EPHA6: variants seen among roughly 807,000 people sequenced by gnomAD.
EPHA6 encodes ephrin type-A receptor 6.
Under a neutral mutation model 112.0 loss-of-function variants are expected in EPHA6, and 50 were observed. The observed-to-expected ratio is 0.45, with a 90% CI of 0.36 to 0.56. The LOEUF is 0.56. Ranked by LOEUF, EPHA6 falls within the 20% of genes least tolerant of loss-of-function variation. The pLI, the probability that EPHA6 is intolerant of heterozygous loss-of-function variation, is 0.00. For synonymous variants in EPHA6, 529 were observed against 490.7 expected (o/e 1.08, Z -1.03); for missense variants, 1,280 against 1,417.4 (o/e 0.90, Z 1.56).
At chr3:97,262,656 C>A (rs934527715) in intron 5 of EPHA6, among the ~76,000 whole-genome samples, 3 of 152,128 alleles carry the variant, frequency 2.0e-5, no homozygotes, top group African/African-American at 7.2e-5. Context: ...ATAAACATTC[C>A]ATGGCCATTT....
intron 5 of EPHA6, among the ~76,000 whole-genome samples, chr3:97,342,141 T>C (rs2083336047): frequency 6.6e-6 from 1 of 152,190 alleles, no homozygotes; most frequent in Non-Finnish European, 1.5e-5. Flanking sequence ...TTTTTCTCCC[T>C]TTTACTTTCG....
chr3:97,475,192 T>G (rs1473030342), intron 7 of EPHA6, among the ~76,000 whole-genome samples, 160 bp from the exon 8 acceptor site: 1 of 152,130 alleles, frequency 6.6e-6, no homozygotes, highest in East Asian at 1.9e-4. Context: ...AAAACTCATT[T>G]ATTTTGGGTT....
intron 3 of EPHA6, among the ~76,000 whole-genome samples, chr3:97,090,131 A>G (rs912298145): frequency 6.6e-6 from 1 of 152,052 alleles, no homozygotes; most frequent in Non-Finnish European, 1.5e-5. Context: ...TATTCCCTTC[A>G]TGCTAGAAAA....
intron 3 of EPHA6, among the ~76,000 whole-genome samples, chr3:97,154,805 G>A (rs1181484927): frequency 1.3e-5 from 2 of 152,056 alleles, no homozygotes; most frequent in African/African-American, 4.8e-5. Context: ...CCTCTAGACT[G>A]TCTGTTCAAG....
At chr3:97,558,139 A>AGTG (rs2093139403) in intron 11 of EPHA6, among the ~76,000 whole-genome samples, 1 of 152,024 alleles carries the variant, frequency 6.6e-6, no homozygotes, top group African/African-American at 2.4e-5. Flanking sequence ...GAACCTTTCT[A>AGTG]CTGAAACATA....
rs1464615663 is a variant in EPHA6 at position 97,750,250 on chromosome 3, C to A, written c.*1549C>A. ...CTCAGTGATAATGGTGCCCTACCTACCCTAATTCTCAAATTCCTATCTAAA... is the reference window on the plus strand; with the variant it reads ...CTCAGTGATAATGGTGCCCTACCTAACCTAATTCTCAAATTCCTATCTAAA... On this transcript the variant is annotated 3_prime_UTR_variant, in exon 18 of 18. Transcript: ENST00000389672. Among the ~76,000 whole-genome samples, 2 of 151,076 alleles carry A rather than the reference C, an allele frequency of 1.3e-5. No homozygotes were observed. Among genetic ancestry groups the A allele is most frequent in the Admixed American group, 1.3e-4 (2 of 15,176 alleles).
chr3:97,344,749 G>C (rs1253271741), intron 5 of EPHA6, among the ~76,000 whole-genome samples: 4 of 152,140 alleles, frequency 2.6e-5, no homozygotes, highest in African/African-American at 7.2e-5. Context: ...TCTAGTAAGT[G>C]CGTAGTGGTA....
At chr3:96,964,908 G>A (rs1253193108) in intron 2 of EPHA6, among the ~76,000 whole-genome samples, 1 of 152,028 alleles carries the variant, frequency 6.6e-6, no homozygotes, top group Non-Finnish European at 1.5e-5. Context: ...TAAATTTAAA[G>A]CAGTTTAATT....
In EPHA6 at chr3:97,342,546, G is replaced by A. The variant is rs1386676022; in HGVS notation, c.1607-62604G>A. 2.0e-5 allele frequency among the ~76,000 whole-genome samples: 3 copies of A among 152,278 alleles called. No homozygotes were observed. The East Asian group carries it at 5.8e-4, about 29-fold the overall frequency. ...CATGATACCTTTGAGATTTGCTTCG[G>A]GCTGAATGTTTGTGTTCCCACAGAA... On this transcript the variant is annotated intron_variant, in intron 5 of 17. Transcript: ENST00000389672.
At chr3:96,913,209 CACACCA>C (rs1185550128) in intron 2 of EPHA6, among the ~76,000 whole-genome samples, 4 of 119,328 alleles carry the variant, frequency 3.4e-5, no homozygotes, top group African/African-American at 1.3e-4. Context: ...CACACACACA[CACACCA>C]CACACACGGG....
chr3:97,378,221 T>A (rs1230986527), intron 5 of EPHA6, among the ~76,000 whole-genome samples: 2 of 152,182 alleles, frequency 1.3e-5, no homozygotes, highest in African/African-American at 4.8e-5. Flanking sequence ...GTCTGTGGCT[T>A]CAGAGGATGC....
chr3:97,557,956 G>A (rs1023927464), intron 11 of EPHA6, among the ~76,000 whole-genome samples: 2 of 151,858 alleles, frequency 1.3e-5, no homozygotes, highest in African/African-American at 2.4e-5. Flanking sequence ...GGAGCCACCT[G>A]CTCTGGTGGT....
intron 3 of EPHA6, among the ~76,000 whole-genome samples, chr3:96,990,442 T>G (rs975210774): frequency 3.3e-5 from 5 of 152,152 alleles, no homozygotes; most frequent in African/African-American, 9.7e-5. Flanking sequence ...CACCTTGTAG[T>G]GGATGGCAGA....
chr3:97,392,056 C>T (rs767408240), intron 5 of EPHA6, among the ~76,000 whole-genome samples: 4 of 151,746 alleles, frequency 2.6e-5, no homozygotes, highest in Admixed American at 6.6e-5. Context: ...TAGCTGCCAC[C>T]GCAATTTTGT....
chr3:97,469,877 T>C (rs1381568461), intron 7 of EPHA6, among the ~76,000 whole-genome samples: 1 of 151,738 alleles, frequency 6.6e-6, no homozygotes, highest in Non-Finnish European at 1.5e-5. Flanking sequence ...AGTCTACTCC[T>C]GTGGGGCTGA....
At chr3:97,693,669 A>C (rs1417893766) in intron 14 of EPHA6, among the ~76,000 whole-genome samples, 4 of 152,024 alleles carry the variant, frequency 2.6e-5, no homozygotes, top group Non-Finnish European at 5.9e-5. Flanking sequence ...TTAGCCGGGC[A>C]TGGTGGCGGG....
At chr3:97,398,168 C>T (rs2086795203) in intron 5 of EPHA6, among the ~76,000 whole-genome samples, 1 of 151,422 alleles carries the variant, frequency 6.6e-6, no homozygotes, top group Non-Finnish European at 1.5e-5. Flanking sequence ...GATTATAATG[C>T]TGACCTTGAG....
chr3:97,176,563 T>A (rs550177772), intron 3 of EPHA6, among the ~76,000 whole-genome samples: 2 of 151,892 alleles, frequency 1.3e-5, no homozygotes, highest in South Asian at 4.1e-4. Flanking sequence ...ATAGCTTTGA[T>A]TTTTGTTACT....
chr3:97,171,972 T>A (rs1412028134), intron 3 of EPHA6, among the ~76,000 whole-genome samples: 1 of 152,128 alleles, frequency 6.6e-6, no homozygotes, highest in Non-Finnish European at 1.5e-5. Context: ...TGCCTTCAAC[T>A]TTGCTCAATT....
Sources: allele counts gnomAD v4.1 joint callset (sites outside exome capture counted in the v4.1 genomes callset), GRCh38; gene constraint gnomAD v4.1.1; transcripts MANE v1.5; gene names NCBI Gene and HGNC (gene_info 2026-07-23, HGNC 2026-07-21).